PTPRR: variants seen among roughly 807,000 people sequenced by gnomAD.
PTPRR encodes receptor-type tyrosine-protein phosphatase R.
In PTPRR, 38 loss-of-function variants were observed where a neutral mutation model predicts 77.2. The ratio of observed to expected loss-of-function variants is 0.49; its 90% CI spans 0.38 to 0.65. PTPRR has a LOEUF of 0.65. PTPRR is among the 30% of genes least tolerant of loss of function. PTPRR has a pLI of 0.00. For missense variants in PTPRR, 744 were observed against 799.2 expected, an observed-to-expected ratio of 0.93 and a Z score of 0.83; for synonymous variants, 299 against 283.1, an observed-to-expected ratio of 1.06 and a Z score of -0.57.
intron 6 of PTPRR, among the ~76,000 whole-genome samples, chr12:70,721,491 A>C (rs1889250612): frequency 6.6e-6 from 1 of 152,210 alleles, no homozygotes; most frequent in Non-Finnish European, 1.5e-5. Flanking sequence ...ACAAATCAAA[A>C]GGTGGACTAT....
In PTPRR at chr12:70,638,552, A is replaced by T. The variant is rs1384485251; in HGVS notation, c.*632T>A. 1 of 152,688 alleles carries T rather than the reference A, an allele frequency of 6.5e-6. No individual in the cohort carries two copies. The highest frequency in any genetic ancestry group is 1.9e-4 in the East Asian group (1 of 5,198). 9.5% of individuals were successfully genotyped at this position (152,688 alleles called of 1,614,324 possible). On this transcript the variant is annotated 3_prime_UTR_variant, in exon 14 of 14. Coordinates refer to ENST00000283228, the MANE Select transcript of PTPRR (RefSeq NM_002849.4). ...AATCATTGTGCTCTGTAATTGTTTG[A>T]TAGGAGGGACTATAAATACACATTT...
intron 2 of PTPRR, among the ~76,000 whole-genome samples, chr12:70,834,768 T>C (rs1892272513): frequency 6.6e-6 from 1 of 152,104 alleles, no homozygotes; most frequent in East Asian, 1.9e-4. Context: ...AGAAAAATCA[T>C]ATTGTTATTC....
chr12:70,692,141 G>A (rs897944540), intron 8 of PTPRR, among the ~76,000 whole-genome samples: 1 of 152,144 alleles, frequency 6.6e-6, no homozygotes, highest in African/African-American at 2.4e-5. Flanking sequence ...GGACTTCTCA[G>A]GGTCTTCAGT....
chr12:70,804,825 A>G (rs1891680881), intron 2 of PTPRR, among the ~76,000 whole-genome samples: 1 of 152,012 alleles, frequency 6.6e-6, no homozygotes, highest in African/African-American at 2.4e-5. Context: ...GGGTCACTGC[A>G]CTGGTGTTTG....
At chr12:70,679,576 G>A (rs1887579929) in intron 10 of PTPRR, among the ~76,000 whole-genome samples, 1 of 152,028 alleles carries the variant, frequency 6.6e-6, no homozygotes, top group Non-Finnish European at 1.5e-5. Flanking sequence ...GTACTCTAGT[G>A]TTAGGTGCAT....
intron 2 of PTPRR, among the ~76,000 whole-genome samples, chr12:70,848,635 T>G (rs1275137994): frequency 6.6e-6 from 1 of 152,230 alleles, no homozygotes; most frequent in Non-Finnish European, 1.5e-5. Flanking sequence ...TTAATGAATA[T>G]TAAATTGTAA....
intron 2 of PTPRR, among the ~76,000 whole-genome samples, chr12:70,883,521 G>T (rs1399512951): frequency 6.6e-6 from 1 of 152,046 alleles, no homozygotes; most frequent in African/African-American, 2.4e-5. Flanking sequence ...TTCCCCCCTA[G>T]TTCTCTCCTT....
intron 10 of PTPRR, among the ~76,000 whole-genome samples, chr12:70,681,130 G>T (rs73329571): frequency 0.014 from 2,158 of 152,288 alleles, 36 homozygotes; most frequent in East Asian, 0.06. Context: ...TTGTTCCCAG[G>T]GGGTAGGGAG....
At chr12:70,695,867 T>C (rs970929535) in intron 8 of PTPRR, among the ~76,000 whole-genome samples, 1 of 152,154 alleles carries the variant, frequency 6.6e-6, no homozygotes, top group Non-Finnish European at 1.5e-5. Flanking sequence ...TTTAACTATA[T>C]AGAGCAGTTA....
At position 70,672,817 on chromosome 12, in the gene PTPRR, T is replaced by A. The variant is rs777162235; in HGVS notation, c.1498-10212A>T. On this transcript the variant is annotated intron_variant, in intron 10 of 13. Transcript: ENST00000283228. Reference sequence around the variant, plus strand: ...TCTCAAGAAGGGAGATGAAGTCCAGTGTGAAATTGAAGAACTAGGTGTCAT... The same window carrying A: ...TCTCAAGAAGGGAGATGAAGTCCAGAGTGAAATTGAAGAACTAGGTGTCAT... 6 of 1,564,324 alleles carry A rather than the reference T, an allele frequency of 3.8e-6. No homozygotes were observed. The South Asian group carries it at 6.6e-5, about 17-fold the overall frequency.
At chr12:70,766,868 T>C (rs985053034) in intron 2 of PTPRR, among the ~76,000 whole-genome samples, 1 of 152,048 alleles carries the variant, frequency 6.6e-6, no homozygotes, top group African/African-American at 2.4e-5. Flanking sequence ...TTCAACATTC[T>C]TAAAGAAAAG....
At chr12:70,754,684 C>G in intron 4 of PTPRR, 1 of 1,596,860 alleles carries the variant, frequency 6.3e-7, no homozygotes, top group Non-Finnish European at 8.5e-7. Context: ...CATCAGCACC[C>G]TGGATTACGT....
chr12:70,852,254 A>G (rs1306895700), intron 2 of PTPRR, among the ~76,000 whole-genome samples: 2 of 152,302 alleles, frequency 1.3e-5, no homozygotes, highest in East Asian at 3.9e-4. Flanking sequence ...GGGACAAATC[A>G]ATTATTCAAA....
chr12:70,858,565 G>C (rs1321958823), intron 2 of PTPRR, among the ~76,000 whole-genome samples: 1 of 146,850 alleles, frequency 6.8e-6, no homozygotes, highest in Non-Finnish European at 1.5e-5. Flanking sequence ...TAGAGTTTGG[G>C]CACTTTATCC....
intron 1 of PTPRR, among the ~76,000 whole-genome samples, chr12:70,904,667 G>A (rs1348139412): frequency 6.6e-6 from 1 of 151,734 alleles, no homozygotes; most frequent in Non-Finnish European, 1.5e-5. Flanking sequence ...CACCAAAAAA[G>A]TCAATAGGTT....
At chr12:70,801,210 G>A (rs1166566394) in intron 2 of PTPRR, among the ~76,000 whole-genome samples, 1 of 152,152 alleles carries the variant, frequency 6.6e-6, no homozygotes, top group African/African-American at 2.4e-5. Context: ...GGAAACAGAT[G>A]GAGTTGGGCT....
chr12:70,799,567 T>TA (rs1458605299), intron 2 of PTPRR, among the ~76,000 whole-genome samples: 5 of 152,220 alleles, frequency 3.3e-5, no homozygotes, highest in African/African-American at 1.2e-4. Context: ...GATTTTTTTT[T>TA]ACCCTATGGA....
At chr12:70,854,700 A>C (rs11178455) in intron 2 of PTPRR, among the ~76,000 whole-genome samples, 18,353 of 152,202 alleles carry the variant, frequency 0.12, 2,038 homozygotes, top group African/African-American at 0.3. Flanking sequence ...CTGGGTCTGA[A>C]TCTAGCTCTG....
chr12:70,701,253 GT>G lies in PTPRR; in HGVS notation c.1077del (p.Pro360GlnfsTer7). 6.2e-7 allele frequency: 1 copy of G among 1,613,928 alleles called. No homozygotes were observed. Among genetic ancestry groups the G allele is most frequent in the Non-Finnish European group, 8.5e-7 (1 of 1,179,910 alleles). ...ATTGCTACCTTCTCCCGTGGTGTTG[GT>G]ATAGACACAAAGGGTTCAATGTTCC... is the stretch of plus-strand genomic sequence containing the variant. ...SLGNIEPFVS[I>X]PTPREKVAME... On this transcript the variant is annotated frameshift_variant, in exon 7 of 14. Coordinates refer to ENST00000283228, the MANE Select transcript of PTPRR (RefSeq NM_002849.4). LOFTEE classifies it high-confidence loss of function.
Sources: allele counts gnomAD v4.1 joint callset (sites outside exome capture counted in the v4.1 genomes callset), GRCh38; gene constraint gnomAD v4.1.1; transcripts MANE v1.5; gene names NCBI Gene and HGNC (gene_info 2026-07-23, HGNC 2026-07-21).